AOPEP: variants seen among roughly 807,000 people sequenced by gnomAD.
AOPEP encodes the protein aminopeptidase O (putative).
In AOPEP, 77 loss-of-function variants were observed where a neutral mutation model predicts 98.1. The observed-to-expected ratio is 0.78, with a 90% CI of 0.65 to 0.95. The LOEUF (loss-of-function observed/expected upper bound fraction) is 0.95, where lower values mean the gene tolerates loss of function less well. Among genes scored for constraint, AOPEP ranks in the 40% least tolerant of loss-of-function variants. The pLI is 0.00. For missense variants in AOPEP, 1,024 were observed against 1,024.7 expected (o/e 1.00, Z 0.01); for synonymous variants, 346 against 365.3 (o/e 0.95, Z 0.60).
At chr9:95,117,910 CAG>C in the AOPEP span, among the ~76,000 whole-genome samples, 1 of 152,126 alleles carries the variant, frequency 6.6e-6, no homozygotes, top group African/African-American at 2.4e-5. Context: ...TTAGTAGAGA[CAG>C]AGTTTCTCCA....
intron 1 of AOPEP, among the ~76,000 whole-genome samples, chr9:94,735,515 C>A (rs965589009): frequency 2.0e-5 from 3 of 152,136 alleles, no homozygotes; most frequent in East Asian, 1.9e-4. Flanking sequence ...CCACCGCGCC[C>A]GGCCAAGAAT....
At chr9:94,870,041 T>C (rs1387931501) in intron 5 of AOPEP, among the ~76,000 whole-genome samples, 1 of 145,620 alleles carries the variant, frequency 6.9e-6, no homozygotes, top group Admixed American at 7.1e-5. Flanking sequence ...TAAGCTGGAA[T>C]GCAATGGTGC....
chr9:94,738,903 C>A (rs917116557), intron 1 of AOPEP, among the ~76,000 whole-genome samples: 1 of 152,208 alleles, frequency 6.6e-6, no homozygotes, highest in South Asian at 2.1e-4. Flanking sequence ...ATGATAAGGA[C>A]AAAGTGAACT....
intron 13 of AOPEP, chr9:95,019,256 T>A (rs945040143): frequency 1.6e-4 from 24 of 152,214 alleles, no homozygotes; most frequent in African/African-American, 5.8e-4. Flanking sequence ...CTGTATTGTT[T>A]TATTTGCCAC....
intron 5 of AOPEP, among the ~76,000 whole-genome samples, chr9:94,915,869 A>T (rs563200920): frequency 6.6e-6 from 1 of 152,350 alleles, no homozygotes; most frequent in South Asian, 2.1e-4. Flanking sequence ...CACTTTAGGA[A>T]ATCCCCACAA....
intron 13 of AOPEP, among the ~76,000 whole-genome samples, chr9:95,024,361 C>G (rs904659625): frequency 2.0e-5 from 3 of 152,242 alleles, no homozygotes; most frequent in South Asian, 2.1e-4. Context: ...AGTTCATCCA[C>G]AAGCTCGTGA....
At chr9:94,926,892 A>G (rs569110983) in intron 6 of AOPEP, among the ~76,000 whole-genome samples, 10 of 152,344 alleles carry the variant, frequency 6.6e-5, no homozygotes, top group Non-Finnish European at 1.3e-4. Flanking sequence ...TTGTGAATCA[A>G]GTCAGTCGCA....
intron 3 of AOPEP, among the ~76,000 whole-genome samples, chr9:94,787,531 C>T (rs867949777): frequency 1.3e-5 from 2 of 152,156 alleles, no homozygotes; most frequent in African/African-American, 2.4e-5. Flanking sequence ...AAAAATTCAA[C>T]GCAAATGTAG....
At chr9:94,992,218 G>A (rs2060935530) in intron 11 of AOPEP, among the ~76,000 whole-genome samples, 1 of 152,206 alleles carries the variant, frequency 6.6e-6, no homozygotes, top group African/African-American at 2.4e-5. Flanking sequence ...ATCCCAGTGT[G>A]TGTTTAAAAA....
intron 5 of AOPEP, among the ~76,000 whole-genome samples, chr9:94,823,037 C>T (rs141365698): frequency 1.6e-4 from 25 of 152,120 alleles, no homozygotes; most frequent in African/African-American, 5.3e-4. Flanking sequence ...GCTCTTGTTG[C>T]CCAGGCTGGA....
chr9:94,803,173 A>G (rs1307031035), intron 5 of AOPEP, among the ~76,000 whole-genome samples: 2 of 152,174 alleles, frequency 1.3e-5, no homozygotes, highest in Admixed American at 6.5e-5. Context: ...GAAACCTGCC[A>G]TTGTCTTCTT....
intron 13 of AOPEP, among the ~76,000 whole-genome samples, chr9:95,022,592 G>A (rs1408385494): frequency 2.0e-5 from 3 of 151,976 alleles, no homozygotes; most frequent in Admixed American, 1.3e-4. Flanking sequence ...GCCCGCCTTG[G>A]CCTCCCAAAG....
At position 95,041,082 on chromosome 9, in the gene AOPEP, C is replaced by T. The variant is rs75273889; in HGVS notation, c.2116-19612C>T. The stretch of plus-strand genomic sequence containing the variant: ...AAAAAAGCAAGTAATGGCTGTTGAT[C>T]GTGTGGATATGTGAATTGCAATAAA... On this transcript the variant is annotated intron_variant, in intron 13 of 16. Transcript: ENST00000375315. Among the ~76,000 whole-genome samples the T allele has an allele frequency of 4.6e-3, 683 of 149,676 alleles. 34 individuals carry two copies. In the East Asian group the frequency reaches 0.088, roughly 19 times the overall value.
the AOPEP span, chr9:95,114,606 G>C: frequency 1.3e-6 from 2 of 1,599,242 alleles, no homozygotes; most frequent in Non-Finnish European, 1.7e-6. Flanking sequence ...AAGTAGATTT[G>C]GGAGTGGTCA....
the AOPEP span, chr9:95,101,643 C>A: frequency 1.3e-6 from 2 of 1,597,756 alleles, no homozygotes; most frequent in Admixed American, 3.4e-5. Context: ...CAGGTCATCA[C>A]CTGTCCTGTG....
At chr9:95,149,631 ACCATGC>A in the AOPEP span, among the ~76,000 whole-genome samples, 12 of 151,934 alleles carry the variant, frequency 7.9e-5, no homozygotes, top group African/African-American at 2.4e-4. Flanking sequence ...GGCACACACC[ACCATGC>A]TTGACTAATT....
intron 13 of AOPEP, among the ~76,000 whole-genome samples, chr9:95,009,040 A>G (rs1221511090): frequency 6.6e-6 from 1 of 152,172 alleles, no homozygotes; most frequent in African/African-American, 2.4e-5. Context: ...CAACAGAAAA[A>G]CAAGGAAAGT....
At chr9:94,748,348 T>C (rs1051347276) in intron 1 of AOPEP, among the ~76,000 whole-genome samples, 1 of 152,238 alleles carries the variant, frequency 6.6e-6, no homozygotes, top group Non-Finnish European at 1.5e-5. Flanking sequence ...AGGTATGTTT[T>C]CCTTTGTATT....
chr9:95,000,162 A>AAG (rs891017284), intron 11 of AOPEP, among the ~76,000 whole-genome samples: 4 of 152,242 alleles, frequency 2.6e-5, no homozygotes, highest in African/African-American at 9.6e-5. Context: ...GTGTTTATTT[A>AAG]AGAGAGAGAC....
Sources: gnomAD v4.1 joint callset for allele counts (sites outside exome capture counted in the v4.1 genomes callset) on GRCh38, gnomAD v4.1.1 for gene constraint, MANE v1.5 for transcripts, NCBI Gene and HGNC (gene_info 2026-07-23, HGNC 2026-07-21) for gene names.